Variants in GRIP1 observed in about 807,000 individuals in gnomAD.
GRIP1 encodes glutamate receptor interacting protein 1.
GRIP1 carries 45 observed loss-of-function variants against 129.9 expected under a neutral mutation model. That is an observed-to-expected ratio of 0.35 (90% CI 0.27 to 0.44). The LOEUF (loss-of-function observed/expected upper bound fraction) is 0.44. Among genes scored for constraint, GRIP1 ranks in the 20% least tolerant of loss-of-function variants. GRIP1 has a pLI of 1.00. For missense variants in GRIP1, 1,196 were observed against 1,396.8 expected (o/e 0.86, Z 2.29); for synonymous variants, 530 against 520.8 (o/e 1.02, Z -0.24).
intron 1 of GRIP1, among the ~76,000 whole-genome samples, chr12:66,948,035 G>A (rs562513302): frequency 5.9e-5 from 9 of 152,234 alleles, no homozygotes; most frequent in Non-Finnish European, 1.3e-4. Flanking sequence ...TCATCTGCTC[G>A]GCATGTCAGA....
chr12:66,420,607 G>C, intron 15 of GRIP1, 113 bp downstream of exon 15: 1 of 736,270 alleles, frequency 1.4e-6, no homozygotes, highest in Non-Finnish European at 2.5e-6. Flanking sequence ...CTGCTTGGAA[G>C]TTTTTGAAAA....
intron 1 of GRIP1, among the ~76,000 whole-genome samples, chr12:66,775,853 A>C (rs537922490): frequency 6.6e-6 from 1 of 152,320 alleles, no homozygotes; most frequent in East Asian, 1.9e-4. Context: ...GGTCAAATCA[A>C]TTTGAGAAAC....
At chr12:67,030,601 T>C (rs1398294211) in intron 1 of GRIP1, among the ~76,000 whole-genome samples, 1 of 152,190 alleles carries the variant, frequency 6.6e-6, no homozygotes, top group African/African-American at 2.4e-5. Flanking sequence ...CAATAATAAA[T>C]ATTAAAATGA....
intron 2 of GRIP1, among the ~76,000 whole-genome samples, chr12:66,552,578 G>A (rs543583761): frequency 2.0e-5 from 3 of 152,190 alleles, no homozygotes; most frequent in Admixed American, 1.3e-4. Flanking sequence ...TGAAATTTCC[G>A]CCTCATGTAA....
chr12:66,915,896 A>G (rs1478254531), intron 1 of GRIP1, among the ~76,000 whole-genome samples: 2 of 152,214 alleles, frequency 1.3e-5, no homozygotes, highest in African/African-American at 2.4e-5. Flanking sequence ...AATTGGAAGC[A>G]AAGGGAGAGG....
chr12:66,518,808 C>A (rs1223589092), intron 5 of GRIP1, among the ~76,000 whole-genome samples: 1 of 152,188 alleles, frequency 6.6e-6, no homozygotes, highest in Admixed American at 6.5e-5. Context: ...ATCCACTCGT[C>A]TTTGTTCTAT....
intron 1 of GRIP1, among the ~76,000 whole-genome samples, chr12:67,054,405 T>C (rs956686793): frequency 1.3e-5 from 2 of 152,144 alleles, no homozygotes; most frequent in African/African-American, 2.4e-5. Context: ...AGCAGGCATA[T>C]AAAATACACA....
chr12:66,731,711 G>A (rs1246658247), intron 1 of GRIP1, among the ~76,000 whole-genome samples: 2 of 152,124 alleles, frequency 1.3e-5, no homozygotes, highest in African/African-American at 4.8e-5. Flanking sequence ...ACAATGTGAA[G>A]GTGCTTAATG....
intron 1 of GRIP1, among the ~76,000 whole-genome samples, chr12:66,693,411 G>T (rs2035045632): frequency 1.3e-5 from 2 of 152,116 alleles, no homozygotes; most frequent in Non-Finnish European, 2.9e-5. Context: ...GGACAATGGT[G>T]GCCTCTTTGG....
chr12:66,768,787 G>GA (rs1270770724), intron 1 of GRIP1, among the ~76,000 whole-genome samples: 1 of 151,982 alleles, frequency 6.6e-6, no homozygotes, highest in African/African-American at 2.4e-5. Context: ...ATAACAGGGT[G>GA]AAAAAAAACT....
At chr12:66,803,531 C>T (rs1393946813) in intron 1 of GRIP1, among the ~76,000 whole-genome samples, 4 of 152,146 alleles carry the variant, frequency 2.6e-5, no homozygotes, top group African/African-American at 9.7e-5. Flanking sequence ...TAAGAATTAA[C>T]CTTATTTAAT....
At chr12:66,518,112 C>G in intron 5 of GRIP1, 136 bp from the exon 6 acceptor site, 2 of 710,420 alleles carry the variant, frequency 2.8e-6, no homozygotes, top group Non-Finnish European at 5.1e-6. Flanking sequence ...TTGAGGCATA[C>G]AAAAGCCTTA....
chr12:67,057,837 A>G (rs1349217566), intron 1 of GRIP1, among the ~76,000 whole-genome samples: 1 of 152,244 alleles, frequency 6.6e-6, no homozygotes, highest in Non-Finnish European at 1.5e-5. Context: ...CAAAGAAACT[A>G]AACTTATATT....
chr12:66,754,420 G>A (rs10784581), intron 1 of GRIP1, among the ~76,000 whole-genome samples: 40,673 of 152,066 alleles, frequency 0.27, 6,561 homozygotes, highest in Non-Finnish European at 0.36. Context: ...GGGATTATAG[G>A]TGGAATGAAG....
At chr12:66,764,714 A>G (rs977416522) in intron 1 of GRIP1, among the ~76,000 whole-genome samples, 1 of 152,082 alleles carries the variant, frequency 6.6e-6, no homozygotes, top group Non-Finnish European at 1.5e-5. Context: ...CCTTTTTCTT[A>G]TATTTTTTCC....
intron 1 of GRIP1, among the ~76,000 whole-genome samples, chr12:66,765,283 C>G (rs1250182168): frequency 6.6e-6 from 1 of 152,172 alleles, no homozygotes; most frequent in East Asian, 1.9e-4. Flanking sequence ...CTGCAGGAAG[C>G]ATATTTTTTG....
intron 4 of GRIP1, among the ~76,000 whole-genome samples, chr12:66,534,704 C>CTCTT (rs1377132993): frequency 6.6e-6 from 1 of 151,490 alleles, no homozygotes; most frequent in African/African-American, 2.4e-5. Context: ...CTCTCTCTCT[C>CTCTT]TCTTTTTGAG....
At chr12:66,453,812 A>G (rs1387886574) in intron 11 of GRIP1, among the ~76,000 whole-genome samples, 1 of 152,192 alleles carries the variant, frequency 6.6e-6, no homozygotes, top group Non-Finnish European at 1.5e-5. Context: ...TCCTACAGCT[A>G]GAAGGTAATG....
chr12:66,913,134 T>C (rs1298073785), intron 1 of GRIP1, among the ~76,000 whole-genome samples: 1 of 152,218 alleles, frequency 6.6e-6, no homozygotes, highest in Non-Finnish European at 1.5e-5. Context: ...GGATCTGCTT[T>C]AGTACCTGAA....
Sources: gnomAD v4.1 joint callset for allele counts (sites outside exome capture counted in the v4.1 genomes callset) on GRCh38, gnomAD v4.1.1 for gene constraint, MANE v1.5 for transcripts, NCBI Gene and HGNC (gene_info 2026-07-23, HGNC 2026-07-21) for gene names.